The following PRTFDC1 variants were observed in gnomAD, a reference collection of about 807,000 sequenced individuals.
The protein encoded by PRTFDC1 is phosphoribosyltransferase domain-containing protein 1.
PRTFDC1 carries 38 observed loss-of-function variants against 34.6 expected under a neutral mutation model. The observed-to-expected ratio is 1.10, with a 90% CI of 0.85 to 1.44. PRTFDC1 has a LOEUF of 1.44. Among genes scored for constraint, PRTFDC1 ranks in the 40% most tolerant of loss-of-function variants. The probability of loss-of-function intolerance (pLI) is 0.00; values close to 1 mark genes in which losing one functional copy is unlikely to be tolerated. For synonymous variants in PRTFDC1, 93 were observed against 98.1 expected, an observed-to-expected ratio of 0.95 and a Z score of 0.31; for missense variants, 270 against 283.0, an observed-to-expected ratio of 0.95 and a Z score of 0.33.
At chr10:24,934,251 A>AAGAAGAAGG (rs1554765933) in intron 3 of PRTFDC1, among the ~76,000 whole-genome samples, 30 of 27,602 alleles carry the variant, frequency 1.1e-3, no homozygotes, top group African/African-American at 9.0e-3. Flanking sequence ...GAAGAAGGAG[A>AAGAAGAAGG]AGAAGAAGAA....
intron 3 of PRTFDC1, among the ~76,000 whole-genome samples, chr10:24,912,089 C>T (rs12256061): frequency 2.0e-5 from 3 of 151,014 alleles, no homozygotes; most frequent in Non-Finnish European, 4.4e-5. Context: ...GCCAACAAGG[C>T]GAAACCCTGT....
chr10:24,912,292 A>AAG (rs1430741799), intron 3 of PRTFDC1, among the ~76,000 whole-genome samples: 9 of 142,252 alleles, frequency 6.3e-5, no homozygotes, highest in Non-Finnish European at 1.2e-4. Flanking sequence ...AAAAAAAAAA[A>AAG]AAAGAAAGAA....
intron 3 of PRTFDC1, among the ~76,000 whole-genome samples, chr10:24,924,954 G>A (rs1001701786): frequency 4.6e-5 from 7 of 152,224 alleles, no homozygotes; most frequent in Admixed American, 6.5e-5. Context: ...TTTGACCCAG[G>A]GATCCCATTA....
chr10:24,887,772 C>T (rs565299658), intron 3 of PRTFDC1, among the ~76,000 whole-genome samples: 2 of 152,252 alleles, frequency 1.3e-5, no homozygotes, highest in African/African-American at 4.8e-5. Context: ...GAACCTCACC[C>T]CACCACAACT....
At chr10:24,885,689 GC>G (rs1230344830) in intron 3 of PRTFDC1, among the ~76,000 whole-genome samples, 2 of 152,240 alleles carry the variant, frequency 1.3e-5, no homozygotes, top group African/African-American at 4.8e-5. Context: ...ACAGGCATGA[GC>G]CACCGCACCT....
intron 4 of PRTFDC1, among the ~76,000 whole-genome samples, chr10:24,858,801 TC>T (rs1266417641): frequency 6.6e-6 from 1 of 152,150 alleles, no homozygotes; most frequent in Non-Finnish European, 1.5e-5. Flanking sequence ...GAGACCGTGC[TC>T]GGTAAATGCA....
intron 8 of PRTFDC1, among the ~76,000 whole-genome samples, chr10:24,850,503 G>A (rs1330632774): frequency 6.6e-6 from 1 of 152,110 alleles, no homozygotes; most frequent in Non-Finnish European, 1.5e-5. Flanking sequence ...ATAGTGGCGT[G>A]TGCCTGTAGT....
chr10:24,936,392 C>T (rs139570004), intron 3 of PRTFDC1, among the ~76,000 whole-genome samples: 1 of 152,100 alleles, frequency 6.6e-6, no homozygotes, highest in Non-Finnish European at 1.5e-5. Context: ...AATCCTCCCA[C>T]TTCAGCCTCT....
At chr10:24,877,533 A>G (rs954164705) in intron 3 of PRTFDC1, among the ~76,000 whole-genome samples, 1 of 152,194 alleles carries the variant, frequency 6.6e-6, no homozygotes, top group Non-Finnish European at 1.5e-5. Flanking sequence ...GCTTCATGTA[A>G]TAAGTTGGTT....
intron 3 of PRTFDC1, among the ~76,000 whole-genome samples, chr10:24,901,635 G>A (rs989773169): frequency 2.0e-5 from 3 of 152,210 alleles, no homozygotes; most frequent in African/African-American, 4.8e-5. Context: ...AGGCTGAGGC[G>A]AAAGGATCGC....
At chr10:24,922,939 C>T (rs1848814307) in intron 3 of PRTFDC1, among the ~76,000 whole-genome samples, 1 of 152,206 alleles carries the variant, frequency 6.6e-6, no homozygotes. Context: ...ACACTTCTGT[C>T]CAAATACTGC....
In PRTFDC1 at chr10:24,849,275, A is replaced by G. The variant is rs999972534; in HGVS notation, c.*569T>C. On this transcript the variant is annotated 3_prime_UTR_variant, in exon 9 of 9. Transcript: ENST00000320152. Reference sequence around the variant, plus strand: ...TAAGATTCATTGTACACTGCGTTTCAGAAAGGCTTTGTCAAAGCAGATAAT... The same window carrying G: ...TAAGATTCATTGTACACTGCGTTTCGGAAAGGCTTTGTCAAAGCAGATAAT... 6.5e-6 allele frequency: 1 copy of G among 152,850 alleles called. No individual in the cohort carries two copies. Among genetic ancestry groups the G allele is most frequent in the South Asian group, 2.1e-4 (1 of 4,838 alleles). The allele number at this position is 152,850 out of a possible 1,614,324, so 9.5% of individuals were successfully genotyped here.
At chr10:24,892,243 T>C (rs1848275559) in intron 3 of PRTFDC1, among the ~76,000 whole-genome samples, 1 of 152,170 alleles carries the variant, frequency 6.6e-6, no homozygotes, top group Non-Finnish European at 1.5e-5. Flanking sequence ...CACTTTGGCC[T>C]CCCAAAGTCC....
intron 3 of PRTFDC1, among the ~76,000 whole-genome samples, chr10:24,931,988 A>G (rs911233568): frequency 2.6e-5 from 4 of 151,894 alleles, no homozygotes; most frequent in Non-Finnish European, 4.4e-5. Context: ...AAAATTAGCA[A>G]GTTGAATCCA....
intron 4 of PRTFDC1, 113 bp from the exon 5 acceptor site, chr10:24,858,522 C>T (rs1236382646): frequency 9.5e-7 from 1 of 1,058,164 alleles, no homozygotes; most frequent in African/African-American, 1.6e-5. Context: ...ACGGTCCTTC[C>T]CCATCCATCT....
chr10:24,919,636 A>T (rs1431220383), intron 3 of PRTFDC1, among the ~76,000 whole-genome samples: 1 of 152,252 alleles, frequency 6.6e-6, no homozygotes, highest in East Asian at 1.9e-4. Context: ...GACAAATGGG[A>T]TCTAATTAAA....
At chr10:24,950,668 C>T (rs955007833) in intron 1 of PRTFDC1, among the ~76,000 whole-genome samples, 8 of 151,974 alleles carry the variant, frequency 5.3e-5, no homozygotes. Flanking sequence ...TGCTCTATTC[C>T]CAAGGCACCC....
At chr10:24,879,453 C>T (rs1848028068) in intron 3 of PRTFDC1, among the ~76,000 whole-genome samples, 1 of 152,028 alleles carries the variant, frequency 6.6e-6, no homozygotes, top group Non-Finnish European at 1.5e-5. Flanking sequence ...AAGCGATTCT[C>T]CTGCCTCAGC....
intron 5 of PRTFDC1, among the ~76,000 whole-genome samples, chr10:24,857,403 T>C (rs1179252912): frequency 6.6e-6 from 1 of 152,090 alleles, no homozygotes; most frequent in Non-Finnish European, 1.5e-5. Context: ...GATAAAAACC[T>C]CCCCCTTGTC....
Sources: allele counts gnomAD v4.1 joint callset (sites outside exome capture counted in the v4.1 genomes callset), GRCh38; gene constraint gnomAD v4.1.1; transcripts MANE v1.5; gene names NCBI Gene and HGNC (gene_info 2026-07-23, HGNC 2026-07-21).